The following NRDE2 variants were observed in gnomAD, a reference collection of about 807,000 sequenced individuals.
NRDE2 encodes NRDE-2, necessary for RNA interference, domain containing, also known as nuclear exosome regulator NRDE2.
In NRDE2, 76 loss-of-function variants were observed where a neutral mutation model predicts 124.2. The ratio of observed to expected loss-of-function variants is 0.61; its 90% confidence interval spans 0.51 to 0.74. The LOEUF is 0.74. Among genes scored for constraint, NRDE2 ranks in the 30% least tolerant of loss-of-function variants. NRDE2 has a pLI of 0.00. For missense variants in NRDE2, 1,314 were observed against 1,417.3 expected, an observed-to-expected ratio of 0.93 and a Z score of 1.17; for synonymous variants, 489 against 528.1, an observed-to-expected ratio of 0.93 and a Z score of 1.01.
intron 6 of NRDE2, 81 bp downstream of exon 6, chr14:90,302,639 C>T: frequency 1.5e-6 from 2 of 1,355,660 alleles, no homozygotes; most frequent in Non-Finnish European, 1.0e-6. Context: ...TAGAATAAAT[C>T]AAAAATAGAT....
At position 90,289,675 on chromosome 14, in the gene NRDE2, C is replaced by A. The variant is rs568118765; in HGVS notation, c.2230-530G>T. On this transcript the variant is annotated intron_variant, in intron 10 of 13. Coordinates refer to ENST00000354366, the MANE Select transcript of NRDE2 (RefSeq NM_017970.4). ...CGATCTCAGTTCACGGCAACCTCTA[C>A]CTTCCATGTTCAAGCGATTCTCCTG... 7.0e-4 allele frequency among the ~76,000 whole-genome samples: 106 copies of A among 152,330 alleles called. 1 individual carries two copies. The South Asian group carries it at 0.021, about 30-fold the overall frequency.
At chr14:90,302,117 A>G (rs2139689026) in intron 6 of NRDE2, among the ~76,000 whole-genome samples, 1 of 152,126 alleles carries the variant, frequency 6.6e-6, no homozygotes, top group East Asian at 1.9e-4. Flanking sequence ...GGTTTATAGT[A>G]TTGTTGCTGA....
chr14:90,329,964 T>G (rs1485957092), intron 1 of NRDE2, among the ~76,000 whole-genome samples: 1 of 151,982 alleles, frequency 6.6e-6, no homozygotes, highest in Admixed American at 6.6e-5. Context: ...CCCAGCACTT[T>G]GGGAGGCTAT....
At chr14:90,308,976 C>T (rs562519587) in intron 4 of NRDE2, among the ~76,000 whole-genome samples, 1 of 152,228 alleles carries the variant, frequency 6.6e-6, no homozygotes, top group South Asian at 2.1e-4. Flanking sequence ...GGCGTGGTGG[C>T]TCATGCCTGT....
In NRDE2 at chr14:90,272,486, G is replaced by A. The variant is rs1395791056; in HGVS notation, c.*5850C>T. 8.9e-6 allele frequency: 9 copies of A among 1,009,440 alleles called. No individual in the cohort carries two copies. The South Asian group carries it at 1.5e-4, about 17-fold the overall frequency. 62.5% of individuals were successfully genotyped at this position (1,009,440 alleles called of 1,614,324 possible). On this transcript the variant is annotated 3_prime_UTR_variant, in exon 14 of 14. Coordinates refer to ENST00000354366, the MANE Select transcript of NRDE2 (RefSeq NM_017970.4). The surrounding 1 kb of genome is among the most constrained non-coding windows in gnomAD (Gnocchi z 4.5). ...GGGATGAGGTTGGGGGAGTTGCCCA[G>A]AGGAATCCCTGTTCCCACTGATTTT...
Position 90,286,461 on chromosome 14 carries a change from G to C in NRDE2, c.3190C>G (p.Pro1064Ala). ...LDGREIHATI[P>A]ETGLMHRIQA... Reference sequence around the variant, plus strand: ...ATCCGATGCATTAAGCCGGTCTCAGGAATTGTGGCGTGGATCTCTCTACCG... The same window carrying C: ...ATCCGATGCATTAAGCCGGTCTCAGCAATTGTGGCGTGGATCTCTCTACCG... The change falls in exon 12 of 14, where the codon CCT becomes GCT. Residue 1064 changes from proline to alanine, a missense_variant. Coordinates refer to ENST00000354366, the MANE Select transcript of NRDE2 (RefSeq NM_017970.4). 9 of 1,614,048 alleles carry C rather than the reference G, an allele frequency of 5.6e-6. No homozygotes were observed. Among genetic ancestry groups the C allele is most frequent in the Non-Finnish European group, 7.6e-6 (9 of 1,180,000 alleles).
intron 3 of NRDE2, among the ~76,000 whole-genome samples, chr14:90,315,094 T>C (rs188396577): frequency 0.012 from 1,774 of 145,680 alleles, 7 homozygotes; most frequent in Non-Finnish European, 0.019. Flanking sequence ...GGAGACTTGC[T>C]TGAGCCCGGG....
intron 12 of NRDE2, among the ~76,000 whole-genome samples, chr14:90,282,163 C>T (rs1891970163): frequency 6.6e-6 from 1 of 152,166 alleles, no homozygotes; most frequent in African/African-American, 2.4e-5. Context: ...GAAAAAACTG[C>T]AATTTTAGCT....
chr14:90,267,899 T>A lies in NRDE2; in HGVS notation c.*10437A>T, dbSNP rs1034106359. The A allele has an allele frequency of 4.5e-6, 1 of 220,260 alleles. No homozygotes were observed. The highest frequency in any genetic ancestry group is 2.3e-5 in the African/African-American group (1 of 43,442). 13.6% of individuals were successfully genotyped at this position (220,260 alleles called of 1,614,324 possible). On this transcript the variant is annotated 3_prime_UTR_variant, in exon 14 of 14. Transcript: ENST00000354366. Reference sequence around the variant, plus strand: ...TTATTTCATTACTGGAATGAAGCAATTCTTCGTACAGGTAATTATAGTTCG... The same window carrying A: ...TTATTTCATTACTGGAATGAAGCAAATCTTCGTACAGGTAATTATAGTTCG...
Position 90,273,385 on chromosome 14 carries a change from C to CCAT in NRDE2, c.*4948_*4950dup, listed in dbSNP as rs60505372. The stretch of plus-strand genomic sequence containing the variant: ...CCAGCCTGGCCAACATGGTGAAACC[C>CCAT]CATCTTTACTAAAAATACAAAAATT... On this transcript the variant is annotated 3_prime_UTR_variant, in exon 14 of 14. Transcript: ENST00000354366. 48,420 of 151,660 alleles carry CCAT rather than the reference C, an allele frequency of 0.32. 8,967 individuals carry two copies. The highest frequency in any genetic ancestry group is 0.51 in the East Asian group (2,625 of 5,116). The allele number at this position is 151,660 out of a possible 1,614,324, so 9.4% of individuals were successfully genotyped here.
chr14:90,268,053 C>A lies in NRDE2; in HGVS notation c.*10283G>T. 1 of 521,230 alleles carries A rather than the reference C, an allele frequency of 1.9e-6. No individual in the cohort carries two copies. The highest frequency in any genetic ancestry group is 3.3e-6 in the Non-Finnish European group (1 of 300,258). 32.3% of individuals were successfully genotyped at this position (521,230 alleles called of 1,614,324 possible). On this transcript the variant is annotated 3_prime_UTR_variant, in exon 14 of 14. Transcript: ENST00000354366. ...ATGTTAGTAGATTTTTCTAAATGTC[C>A]TCTTATCTACTTAGGAGAATGGAAT...
At chr14:90,286,170 G>A (rs1427797757) in intron 12 of NRDE2, among the ~76,000 whole-genome samples, 184 bp downstream of exon 12, 1 of 152,148 alleles carries the variant, frequency 6.6e-6, no homozygotes, top group Non-Finnish European at 1.5e-5. Flanking sequence ...CCCAAGTCCT[G>A]AGAGATCTGA....
chr14:90,291,780 TG>T (rs1274053671), intron 9 of NRDE2, among the ~76,000 whole-genome samples: 1 of 152,226 alleles, frequency 6.6e-6, no homozygotes, highest in Non-Finnish European at 1.5e-5. Flanking sequence ...CCTGGCACTC[TG>T]GGGCCTTCAC....
In NRDE2 at chr14:90,315,176, CAAAAAAAAAAAAAAA is replaced by C. The variant is rs71117336; in HGVS notation, c.407+1387_407+1401del. Among the ~76,000 whole-genome samples the C allele has an allele frequency of 4.1e-4, 13 of 31,798 alleles. No homozygotes were observed. The South Asian group carries it at 9.3e-3, about 23-fold the overall frequency. The allele number at this position is 31,798 out of a possible 152,430, so 20.9% of individuals were successfully genotyped here. A position where few individuals can be genotyped will look rare whatever the true frequency, so the allele number is the denominator to read the frequency against. ...TGGCCGACAGAGCAATACTCTGTCT[CAAAAAAAAAAAAAAA>C]AAAAAAAAAAAAAAGCTTGGGTTAC... is the stretch of plus-strand genomic sequence containing the variant. On this transcript the variant is annotated intron_variant, in intron 3 of 13. Coordinates refer to ENST00000354366, the MANE Select transcript of NRDE2 (RefSeq NM_017970.4).
At position 90,312,421 on chromosome 14, in the gene NRDE2, T is replaced by C; in HGVS notation, c.530A>G (p.Lys177Arg). Residue 177 changes from lysine (K) to arginine (R), a missense_variant, in exon 4 of 14, where the codon AAG becomes AGG. Physicochemically the swap from Lys to Arg is conservative, Grantham distance 26 (BLOSUM62 2). Transcript: ENST00000354366. ...KKPDPANWEY[K>R]SLYRGDIARY... ...TGCTATATCCCCTCGGTAGAGAGAC[T>C]TGTACTCCCAGTTCGCAGGATCTGG... 1.2e-6 allele frequency: 2 copies of C among 1,613,984 alleles called. No individual in the cohort carries two copies. Among genetic ancestry groups the C allele is most frequent in the Non-Finnish European group, 1.7e-6 (2 of 1,179,948 alleles).
chr14:90,324,152 A>G (rs1885335435), intron 1 of NRDE2, among the ~76,000 whole-genome samples: 1 of 138,818 alleles, frequency 7.2e-6, no homozygotes, highest in African/African-American at 2.7e-5. Context: ...ATGCTCCTAG[A>G]AAGTGTTTGG....
intron 1 of NRDE2, among the ~76,000 whole-genome samples, chr14:90,331,466 T>C (rs769423810): frequency 3.3e-5 from 5 of 152,202 alleles, no homozygotes; most frequent in Non-Finnish European, 7.4e-5. Flanking sequence ...AAGGAAGTAA[T>C]ATGTAATAAA....
Position 90,310,305 on chromosome 14 carries a change from C to T in NRDE2, c.557+2089G>A, listed in dbSNP as rs1263516468. On this transcript the variant is annotated intron_variant, in intron 4 of 13. Coordinates refer to ENST00000354366, the MANE Select transcript of NRDE2 (RefSeq NM_017970.4). ...TTTGAAATGTGAAGTCAAAGACACG[C>T]GGGTTCAAATCCCAACCTTGCTGCT... 2.6e-5 allele frequency among the ~76,000 whole-genome samples: 4 copies of T among 152,228 alleles called. No individual in the cohort carries two copies. The East Asian group carries it at 5.8e-4, about 22-fold the overall frequency.
At chr14:90,303,891 G>A in intron 5 of NRDE2, 44 bp downstream of exon 5, 1 of 1,529,378 alleles carries the variant, frequency 6.5e-7, no homozygotes, top group African/African-American at 1.4e-5. Flanking sequence ...CCCAAAATCA[G>A]GAATGTCCTT....
Sources: gnomAD v4.1 joint callset for allele counts (sites outside exome capture counted in the v4.1 genomes callset) on GRCh38, gnomAD v4.1.1 for gene constraint, Gnocchi (gnomAD v3.1) non-coding constraint, MANE v1.5 for transcripts, NCBI Gene and HGNC (gene_info 2026-07-23, HGNC 2026-07-21) for gene names.